TMEM132E: variants seen among roughly 807,000 people sequenced by gnomAD.
TMEM132E encodes transmembrane protein 132E.
TMEM132E carries 49 observed loss-of-function variants against 78.5 expected under a neutral mutation model. That is an observed-to-expected ratio of 0.62 (90% CI 0.50 to 0.79). The LOEUF is 0.79. Ranked by LOEUF, TMEM132E falls within the 30% of genes least tolerant of loss-of-function variation. The pLI, the probability that TMEM132E is intolerant of heterozygous loss-of-function variation, is 0.00. For synonymous variants in TMEM132E, 715 were observed against 670.6 expected (o/e 1.07, Z -1.02); for missense variants, 1,403 against 1,470.9 (o/e 0.95, Z 0.75).
chr17:34,625,665 C>T (rs1405491036), intron 1 of TMEM132E, among the ~76,000 whole-genome samples: 2 of 152,146 alleles, frequency 1.3e-5, no homozygotes, highest in Non-Finnish European at 2.9e-5. Flanking sequence ...CCACACGGAG[C>T]GCAGTGCAGG....
Position 34,637,901 on chromosome 17 carries a change from G to A in TMEM132E, c.2894G>A (p.Cys965Tyr), listed in dbSNP as rs1342068607. ...CCGCTGGAAACCGTGCCCGCCTTCT[G>A]CCACGGCGACCACCACAGCAGCGGC... ...GNPLETVPAF[C>Y]HGDHHSSGSS... Residue 965 changes from cysteine to tyrosine, a missense_variant, in exon 9 of 9, where the codon TGC becomes TAC. Physicochemically the swap from Cys to Tyr is radical, Grantham distance 194. This residue lies in a region of TMEM132E where 888 missense variants were observed against 952.8 expected (regional missense o/e 0.93). Coordinates refer to ENST00000631683, the MANE Select transcript of TMEM132E (RefSeq NM_001304438.2). 1 of 1,605,952 alleles carries A rather than the reference G, an allele frequency of 6.2e-7. No homozygotes were observed. Among genetic ancestry groups the A allele is most frequent in the Non-Finnish European group, 8.5e-7 (1 of 1,178,824 alleles).
intron 1 of TMEM132E, among the ~76,000 whole-genome samples, chr17:34,622,053 A>T (rs112634129): frequency 2.0e-5 from 3 of 152,188 alleles, no homozygotes; most frequent in African/African-American, 7.2e-5. Flanking sequence ...GCCATGCTCC[A>T]TGATGTCTGG....
At position 34,580,684 on chromosome 17, in the gene TMEM132E, C is replaced by A. The variant is rs774523524; in HGVS notation, c.-393C>A. The stretch of plus-strand genomic sequence containing the variant: ...GGGGATTGCGTTGGAAGTCGGCACC[C>A]TCGAGTGAGTTCGGATTCGAGCTGG... On this transcript the variant is annotated 5_prime_UTR_variant, in exon 1 of 9. Transcript: ENST00000631683. 2 of 196,380 alleles carry A rather than the reference C, an allele frequency of 1.0e-5. No homozygotes were observed. The highest frequency in any genetic ancestry group is 2.3e-5 in the African/African-American group (1 of 43,244). The allele number at this position is 196,380 out of a possible 1,614,324, so 12.2% of individuals were successfully genotyped here. A position where few individuals can be genotyped will look rare whatever the true frequency, so the allele number is the denominator to read the frequency against.
In TMEM132E at chr17:34,626,858, C is replaced by G; in HGVS notation, c.799C>G (p.Pro267Ala). Residue 267 changes from proline to alanine, a missense_variant, in exon 2 of 9, where the codon CCC becomes GCC. Physicochemically the swap from Pro to Ala is conservative, Grantham distance 27. Transcript: ENST00000631683. ...GARAESPTQH[P>A]LLRIGSISLF... ...CCGAGCGGAAAGCCCTACCCAGCACCCCCTGCTGCGCATCGGGAGCATCAG... is the reference window on the plus strand; with the variant it reads ...CCGAGCGGAAAGCCCTACCCAGCACGCCCTGCTGCGCATCGGGAGCATCAG... 6.2e-7 allele frequency: 1 copy of G among 1,604,434 alleles called. No homozygotes were observed. The highest frequency in any genetic ancestry group is 1.1e-5 in the South Asian group (1 of 90,548).
intron 1 of TMEM132E, among the ~76,000 whole-genome samples, chr17:34,585,082 T>G (rs1178638441): frequency 6.6e-6 from 1 of 152,230 alleles, no homozygotes; most frequent in Non-Finnish European, 1.5e-5. Context: ...GGATGATGCT[T>G]GCTTCGCCTC....
rs1326380034 is a variant in TMEM132E at position 34,638,013 on chromosome 17, C to A, written c.3006C>A (p.Pro1002=). 12 of 1,577,318 alleles carry A rather than the reference C, an allele frequency of 7.6e-6. No individual in the cohort carries two copies. Among genetic ancestry groups the A allele is most frequent in the Non-Finnish European group, 1.0e-5 (12 of 1,161,830 alleles). Residue 1002 remains proline, a synonymous_variant, in exon 9 of 9, where the codon CCC becomes CCA. Transcript: ENST00000631683. ...CAGCCCGAGACCAAGCCGAGGACCC[C>A]GCCAGCTCGCCCACCTCCAAGCGCA... ...GGSARDQAED[P]ASSPTSKRKR...
chr17:34,626,615 C>T lies in TMEM132E; in HGVS notation c.556C>T (p.Leu186=), dbSNP rs1342396802. 9.3e-6 allele frequency: 14 copies of T among 1,503,090 alleles called. No individual in the cohort carries two copies. Among genetic ancestry groups the T allele is most frequent in the Non-Finnish European group, 1.1e-5 (12 of 1,130,660 alleles). The allele number at this position is 1,503,090 out of a possible 1,614,324, so 93.1% of individuals were successfully genotyped here. ...VKSSCRLSGG[L]ATCLVRAELP... ...GAGCTCCTGCCGCCTCAGCGGGGGC[C>T]TGGCCACTTGTCTGGTGCGGGCAGA... Residue 186 remains leucine (L), a synonymous_variant, in exon 2 of 9, where the codon CTG becomes TTG. Coordinates refer to ENST00000631683, the MANE Select transcript of TMEM132E (RefSeq NM_001304438.2).
chr17:34,595,554 G>C (rs1004347750), intron 1 of TMEM132E, among the ~76,000 whole-genome samples: 1 of 152,212 alleles, frequency 6.6e-6, no homozygotes, highest in Non-Finnish European at 1.5e-5. Context: ...GCTTCACAAT[G>C]AGGTGTGATC....
intron 1 of TMEM132E, among the ~76,000 whole-genome samples, chr17:34,606,629 G>A (rs528388491): frequency 6.1e-4 from 93 of 152,338 alleles, no homozygotes; most frequent in African/African-American, 2.1e-3. Flanking sequence ...GACGAGGGCT[G>A]TTTAGGGAGC....
chr17:34,627,467 C>CGT (rs145658598), intron 2 of TMEM132E, among the ~76,000 whole-genome samples: 1,554 of 126,516 alleles, frequency 0.012, 17 homozygotes, highest in South Asian at 0.033. Flanking sequence ...CCAAAAGAAT[C>CGT]GTGTGTGTGT....
rs1276840676 is a variant in TMEM132E, at chr17:34,629,117, C to T, written c.1251C>T (p.Gly417=). The T allele has an allele frequency of 2.5e-6, 4 of 1,613,258 alleles. No individual in the cohort carries two copies. In the Admixed American group the frequency reaches 6.7e-5, roughly 27 times the overall value. ...RRIMWHIDYR[G]HGALPDLERA... ...TCATGTGGCACATTGACTACCGTGG[C>T]CACGGCGCCCTGCCTGACCTGGAGC... The change falls in exon 4 of 9, where the codon GGC becomes GGT. Residue 417 remains glycine (G), a synonymous_variant. Coordinates refer to ENST00000631683, the MANE Select transcript of TMEM132E (RefSeq NM_001304438.2).
rs1196077210 is a variant in TMEM132E, at chr17:34,637,860, G to A, written c.2853G>A (p.Ser951=). ...GQPLRVQGEL[S]PPAGNPLETV... ...CGCTGCGGGTGCAAGGAGAGCTGTC[G>A]CCGCCAGCAGGCAACCCGCTGGAAA... The change falls in exon 9 of 9, where the codon TCG becomes TCA. Residue 951 remains serine, a synonymous_variant. Transcript: ENST00000631683. The A allele has an allele frequency of 6.2e-7, 1 of 1,608,780 alleles. No individual in the cohort carries two copies. The highest frequency in any genetic ancestry group is 8.5e-7 in the Non-Finnish European group (1 of 1,178,548).
intron 1 of TMEM132E, among the ~76,000 whole-genome samples, chr17:34,615,260 C>T (rs1372391103): frequency 6.6e-6 from 1 of 151,804 alleles, no homozygotes; most frequent in East Asian, 1.9e-4. Flanking sequence ...TTTCAGGAAG[C>T]AGACCTAGCC....
chr17:34,638,357 C>A lies in TMEM132E; in HGVS notation c.*125C>A. ...ATTGATTTTGTACTCCCTGCCCCTG[C>A]AGCTTGGCTCCGTGCGGAGCGGGCC... On this transcript the variant is annotated 3_prime_UTR_variant, in exon 9 of 9. Transcript: ENST00000631683. The A allele has an allele frequency of 4.6e-6, 5 of 1,094,566 alleles. No individual in the cohort carries two copies. The East Asian group carries it at 8.0e-5, about 18-fold the overall frequency. The allele number at this position is 1,094,566 out of a possible 1,614,324, so 67.8% of individuals were successfully genotyped here. A position where few individuals can be genotyped will look rare whatever the true frequency, so the allele number is the denominator to read the frequency against.
At chr17:34,590,637 G>A (rs1035732499) in intron 1 of TMEM132E, among the ~76,000 whole-genome samples, 1 of 152,014 alleles carries the variant, frequency 6.6e-6, no homozygotes, top group African/African-American at 2.4e-5. Context: ...ACTGGCCAGC[G>A]AACTCTCAGA....
At position 34,629,161 on chromosome 17, in the gene TMEM132E, C is replaced by T. The variant is rs148162202; in HGVS notation, c.1295C>T (p.Thr432Met). 105 of 1,613,970 alleles carry T rather than the reference C, an allele frequency of 6.5e-5. No individual in the cohort carries two copies. The highest frequency in any genetic ancestry group is 1.1e-4 in the East Asian group (5 of 44,884). Residue 432 changes from threonine to methionine, a missense_variant, in exon 4 of 9, where the codon ACG becomes ATG. Thr to Met is a moderately conservative substitution (Grantham distance 81). Around this residue, in one of 3 missense-constraint regions of TMEM132E, gnomAD observed 888 missense variants for 952.8 expected, o/e 0.93. Transcript: ENST00000631683. ...CTGGAGCGGGCAGTCACTGAGCTGA[C>T]GGTCATTCAGCGGGATGTGCAAGCC... ...PDLERAVTELTVIQRDVQAIL... is the reference protein window; with the variant it reads ...PDLERAVTELMVIQRDVQAIL...
In TMEM132E at chr17:34,626,115, G is replaced by C. The variant is rs769464532; in HGVS notation, c.68-12G>C. ...TGACCACCCTGGGCCTCTTTCCTCT[G>C]TCTGTCCCCAGCCTCTGGCCGCTCC... On this transcript the variant is annotated splice_polypyrimidine_tract_variant and intron_variant, in intron 1 of 8. Transcript: ENST00000631683. The C allele has an allele frequency of 6.7e-7, 1 of 1,497,770 alleles. No individual in the cohort carries two copies. Among genetic ancestry groups the C allele is most frequent in the Non-Finnish European group, 8.9e-7 (1 of 1,127,644 alleles). 92.8% of individuals were successfully genotyped at this position (1,497,770 alleles called of 1,614,324 possible).
chr17:34,611,330 A>G (rs1906586463), intron 1 of TMEM132E, among the ~76,000 whole-genome samples: 2 of 152,222 alleles, frequency 1.3e-5, no homozygotes, highest in Non-Finnish European at 2.9e-5. Context: ...CAGCCCTAAG[A>G]GATGAGAAAT....
chr17:34,625,698 CTT>C (rs768367060), intron 1 of TMEM132E, among the ~76,000 whole-genome samples: 2 of 152,172 alleles, frequency 1.3e-5, no homozygotes, highest in African/African-American at 4.8e-5. Flanking sequence ...CACAGGGACT[CTT>C]TTCAGCACCA....
Sources: allele counts gnomAD v4.1 joint callset (sites outside exome capture counted in the v4.1 genomes callset), GRCh38; gene constraint gnomAD v4.1.1; regional missense constraint gnomAD v4.1.1; transcripts MANE v1.5; gene names NCBI Gene and HGNC (gene_info 2026-07-23, HGNC 2026-07-21).